Variants in SSPN observed in about 807,000 individuals in gnomAD.
The protein encoded by SSPN is sarcospan, also known as K-ras oncogene-associated protein.
SSPN carries 15 observed loss-of-function variants against 19.1 expected under a neutral mutation model. That is an observed-to-expected ratio of 0.78 (90% CI 0.52 to 1.21). SSPN has a LOEUF of 1.21. Ranked by LOEUF, SSPN falls within the 50% of genes most tolerant of loss-of-function variation. SSPN has a pLI of 0.00. For missense variants in SSPN, 291 were observed against 314.0 expected, an observed-to-expected ratio of 0.93 and a Z score of 0.55; for synonymous variants, 147 against 140.3, an observed-to-expected ratio of 1.05 and a Z score of -0.34.
At chr12:26,183,586 A>G (rs1944733512) in intron 1 of SSPN, among the ~76,000 whole-genome samples, 1 of 152,256 alleles carries the variant, frequency 6.6e-6, no homozygotes, top group African/African-American at 2.4e-5. Flanking sequence ...GTGACTGACT[A>G]TAAAAGAAAA....
intron 1 of SSPN, among the ~76,000 whole-genome samples, chr12:26,146,554 G>GTT (rs1165797075): frequency 2.0e-5 from 3 of 152,308 alleles, no homozygotes; most frequent in African/African-American, 7.2e-5. Context: ...ACAGTTCAGT[G>GTT]TTTGAGTGAT....
At position 26,232,352 on chromosome 12, in the gene SSPN, G is replaced by T. The variant is rs1945243027; in HGVS notation, c.*1276G>T. On this transcript the variant is annotated 3_prime_UTR_variant, in exon 3 of 3. Coordinates refer to ENST00000242729, the MANE Select transcript of SSPN (RefSeq NM_005086.5). The stretch of plus-strand genomic sequence containing the variant: ...TGGTTTAAAGCACAAATGCCCCAAG[G>T]TGGGGAGACTTCTCTCTGTGATTAT... 1.0e-6 allele frequency: 1 copy of T among 984,314 alleles called. No homozygotes were observed. Among genetic ancestry groups the T allele is most frequent in the Non-Finnish European group, 1.2e-6 (1 of 829,528 alleles). 61.0% of individuals were successfully genotyped at this position (984,314 alleles called of 1,614,324 possible).
At chr12:26,152,968 G>A (rs1944534397) in intron 1 of SSPN, among the ~76,000 whole-genome samples, 1 of 152,150 alleles carries the variant, frequency 6.6e-6, no homozygotes, top group Admixed American at 6.5e-5. Context: ...CTGCCTCTGG[G>A]CCGTAGCACT....
chr12:26,147,689 T>A (rs957906344), intron 1 of SSPN, among the ~76,000 whole-genome samples: 1 of 152,218 alleles, frequency 6.6e-6, no homozygotes, highest in Non-Finnish European at 1.5e-5. Flanking sequence ...AACTTTTTTC[T>A]CCCCACTCTT....
At chr12:26,215,316 C>T (rs1945035768) in intron 1 of SSPN, among the ~76,000 whole-genome samples, 1 of 152,142 alleles carries the variant, frequency 6.6e-6, no homozygotes, top group Non-Finnish European at 1.5e-5. Context: ...TATCTTTATA[C>T]AGATTCTGTA....
At chr12:26,135,002 G>A (rs2137399859) in intron 1 of SSPN, 1 of 152,398 alleles carries the variant, frequency 6.6e-6, no homozygotes, top group South Asian at 2.1e-4. Flanking sequence ...TGCCCAGAAG[G>A]CAGTAAGCTC....
Position 26,232,120 on chromosome 12 carries a change from A to T in SSPN, c.*1044A>T, listed in dbSNP as rs1380663872. On this transcript the variant is annotated 3_prime_UTR_variant, in exon 3 of 3. Transcript: ENST00000242729. ...GCACATTTGTGATATGTTGAAAAGC[A>T]TCTCTCTTGGCAACCAATCTATGTT... 30 of 985,484 alleles carry T rather than the reference A, an allele frequency of 3.0e-5. No homozygotes were observed. The highest frequency in any genetic ancestry group is 3.3e-5 in the Non-Finnish European group (27 of 829,936). The allele number at this position is 985,484 out of a possible 1,614,324, so 61.0% of individuals were successfully genotyped here. A position where few individuals can be genotyped will look rare whatever the true frequency, so the allele number is the denominator to read the frequency against.
At chr12:26,153,289 T>C (rs10842682) in intron 1 of SSPN, among the ~76,000 whole-genome samples, 80,343 of 152,142 alleles carry the variant, frequency 0.53, 24,655 homozygotes, top group Non-Finnish European at 0.67. Context: ...ACTTGGATCT[T>C]ATTAAGCACT....
At chr12:26,124,324 C>T in intron 1 of SSPN, 1 of 736,626 alleles carries the variant, frequency 1.4e-6, no homozygotes, top group Non-Finnish European at 2.3e-6. Context: ...TTCCTCTGGA[C>T]TGTTCTGCAA....
intron 1 of SSPN, among the ~76,000 whole-genome samples, chr12:26,157,226 C>T (rs1324953920): frequency 1.3e-5 from 2 of 152,194 alleles, no homozygotes; most frequent in East Asian, 1.9e-4. Flanking sequence ...TTAACAAAAG[C>T]GGCTGCTGAC....
chr12:26,134,432 T>C (rs574943492), intron 1 of SSPN, among the ~76,000 whole-genome samples: 2 of 152,374 alleles, frequency 1.3e-5, no homozygotes, highest in South Asian at 4.1e-4. Context: ...AAGACTCATA[T>C]GACTTTTCAG....
At chr12:26,230,573 G>A (rs891991674) in intron 2 of SSPN, 138 bp from the exon 3 acceptor site, 2 of 927,930 alleles carry the variant, frequency 2.2e-6, no homozygotes, top group African/African-American at 1.7e-5. Context: ...CTTGGGTGTT[G>A]TGTTTCTAAG....
intron 1 of SSPN, chr12:26,122,601 A>T (rs1466192686): frequency 1.8e-6 from 2 of 1,121,774 alleles, no homozygotes; most frequent in Non-Finnish European, 2.2e-6. Context: ...GTCGGGCCCC[A>T]GAAGCGCGGC....
intron 1 of SSPN, among the ~76,000 whole-genome samples, chr12:26,129,648 C>G (rs1042077282): frequency 2.0e-5 from 3 of 152,144 alleles, no homozygotes; most frequent in African/African-American, 7.2e-5. Context: ...CACGTGTCCC[C>G]GTTTAATTTG....
chr12:26,154,183 T>G (rs796760161), intron 1 of SSPN, among the ~76,000 whole-genome samples: 22 of 152,374 alleles, frequency 1.4e-4, no homozygotes, highest in African/African-American at 4.3e-4. Context: ...TTTTTCACTT[T>G]TCATTTAGGT....
rs561474075 is a variant in SSPN at position 26,203,216 on chromosome 12, G to GTC, written c.279+7266_279+7267insCT. ...GAATCAAACCATATCAGACAGGAAT[G>GTC]TAATCTAGTCATTAAACTTTAATTA... is the stretch of plus-strand genomic sequence containing the variant. On this transcript the variant is annotated intron_variant, in intron 1 of 2. Coordinates refer to ENST00000242729, the MANE Select transcript of SSPN (RefSeq NM_005086.5). 1.1e-4 allele frequency among the ~76,000 whole-genome samples: 16 copies of GTC among 152,320 alleles called. No homozygotes were observed. In the South Asian group the frequency reaches 3.1e-3, roughly 30 times the overall value.
intron 1 of SSPN, among the ~76,000 whole-genome samples, chr12:26,178,021 G>C (rs1242319712): frequency 6.6e-6 from 1 of 152,204 alleles, no homozygotes; most frequent in Non-Finnish European, 1.5e-5. Flanking sequence ...ACCTGGGTTA[G>C]GTATTCACCA....
chr12:26,169,461 G>A (rs1469844895), intron 1 of SSPN, among the ~76,000 whole-genome samples: 1 of 152,102 alleles, frequency 6.6e-6, no homozygotes, highest in Non-Finnish European at 1.5e-5. Context: ...TTTAGCCTCT[G>A]ATATCAAAAT....
chr12:26,161,579 A>G (rs1260370849), intron 1 of SSPN, among the ~76,000 whole-genome samples: 1 of 152,128 alleles, frequency 6.6e-6, no homozygotes, highest in East Asian at 1.9e-4. Context: ...CTTATTTATT[A>G]CATTTATTAT....
Sources: gnomAD v4.1 joint callset for allele counts (sites outside exome capture counted in the v4.1 genomes callset) on GRCh38, gnomAD v4.1.1 for gene constraint, MANE v1.5 for transcripts, NCBI Gene and HGNC (gene_info 2026-07-23, HGNC 2026-07-21) for gene names.